The following IQCJ variants were observed in gnomAD, a reference collection of about 807,000 sequenced individuals.
IQCJ encodes IQ domain-containing protein J.
In IQCJ, 9 loss-of-function variants were observed where a neutral mutation model predicts 11.0. The ratio of observed to expected loss-of-function variants is 0.82; its 90% CI spans 0.49 to 1.43. IQCJ has a LOEUF of 1.43. Among genes scored for constraint, IQCJ ranks in the 40% most tolerant of loss-of-function variants. IQCJ has a pLI of 0.00. For missense variants in IQCJ, 146 were observed against 133.2 expected, an observed-to-expected ratio of 1.10 and a Z score of -0.47; for synonymous variants, 55 against 51.3, an observed-to-expected ratio of 1.07 and a Z score of -0.31.
intron 1 of IQCJ, among the ~76,000 whole-genome samples, chr3:159,086,394 A>T: frequency 6.6e-6 from 1 of 152,146 alleles, no homozygotes; most frequent in South Asian, 2.1e-4. Flanking sequence ...TGACTTGGCG[A>T]TGCGTGCTCT....
intron 3 of IQCJ, among the ~76,000 whole-genome samples, chr3:159,254,347 G>C (rs1488839835): frequency 1.3e-5 from 2 of 152,174 alleles, no homozygotes; most frequent in Non-Finnish European, 2.9e-5. Context: ...AAAAATCTCT[G>C]TGCTTCAGAT....
At chr3:159,094,249 G>A (rs1717555138) in intron 1 of IQCJ, among the ~76,000 whole-genome samples, 1 of 150,466 alleles carries the variant, frequency 6.6e-6, no homozygotes, top group South Asian at 2.1e-4. Flanking sequence ...AGGTTCTTAT[G>A]TTTGGTTAAA....
At chr3:159,106,365 A>G (rs1718263751) in intron 1 of IQCJ, among the ~76,000 whole-genome samples, 1 of 152,158 alleles carries the variant, frequency 6.6e-6, no homozygotes, top group South Asian at 2.1e-4. Context: ...ATGGTGCTAA[A>G]GCCAGACCCT....
In IQCJ at chr3:159,243,638, C is replaced by A. The variant is rs1046372848; in HGVS notation, c.10-2205C>A. 6.6e-5 allele frequency among the ~76,000 whole-genome samples: 10 copies of A among 152,328 alleles called. No individual in the cohort carries two copies. The Middle Eastern group carries it at 0.01, about 155-fold the overall frequency. ...TTGATTGTAAAGGGGAACAAAGGAA[C>A]TTCCTGGGAATGATAAATGTTCTAT... On this transcript the variant is annotated intron_variant, in intron 1 of 3. Coordinates refer to ENST00000397832, the MANE Select transcript of IQCJ (RefSeq NM_001042706.3).
intron 1 of IQCJ, among the ~76,000 whole-genome samples, chr3:159,195,931 G>GA (rs886201911): frequency 2.2e-4 from 33 of 152,216 alleles, no homozygotes; most frequent in African/African-American, 8.0e-4. Flanking sequence ...ACCCAATGGT[G>GA]ACAATCAGGA....
At chr3:159,096,078 CT>C (rs745967666) in intron 1 of IQCJ, among the ~76,000 whole-genome samples, 1,088 of 97,500 alleles carry the variant, frequency 0.011, 7 homozygotes, top group Admixed American at 0.016. Flanking sequence ...GAGATGATAT[CT>C]CACAGTGGTT....
chr3:159,195,494 G>T (rs2108051235), intron 1 of IQCJ, among the ~76,000 whole-genome samples: 1 of 152,310 alleles, frequency 6.6e-6, no homozygotes, highest in Admixed American at 6.5e-5. Context: ...AAGCTTAAAT[G>T]GTTCAGTGTG....
At chr3:159,257,952 C>T (rs532443481) in intron 3 of IQCJ, among the ~76,000 whole-genome samples, 15 of 152,240 alleles carry the variant, frequency 9.9e-5, no homozygotes, top group Non-Finnish European at 1.5e-4. Context: ...TTCCTGAGAC[C>T]GGCCAGGACT....
intron 1 of IQCJ, among the ~76,000 whole-genome samples, chr3:159,111,633 G>C (rs908212382): frequency 4.6e-5 from 7 of 152,120 alleles, no homozygotes; most frequent in Non-Finnish European, 2.9e-5. Flanking sequence ...AGAAAGACCA[G>C]GAGGGGCCAA....
chr3:159,260,380 TA>T (rs1560046482), intron 3 of IQCJ, among the ~76,000 whole-genome samples: 4 of 152,236 alleles, frequency 2.6e-5, no homozygotes, highest in Non-Finnish European at 5.9e-5. Flanking sequence ...CAAAGTCCTA[TA>T]AAGTTGTGGG....
Position 159,092,870 on chromosome 3 carries a change from A to T in IQCJ, c.9+23429A>T, listed in dbSNP as rs1374226838. 2.0e-5 allele frequency among the ~76,000 whole-genome samples: 3 copies of T among 151,398 alleles called. 1 individual carries two copies. Among genetic ancestry groups the T allele is most frequent in the African/African-American group, 7.3e-5 (3 of 40,846 alleles). On this transcript the variant is annotated intron_variant, in intron 1 of 3. Coordinates refer to ENST00000397832, the MANE Select transcript of IQCJ (RefSeq NM_001042706.3). ...TCTTATTCTTAGGAGACATGTGCTG[A>T]GGTATTTAGGGGTGAAGTTTCACGA...
At chr3:159,218,152 A>G (rs1560029643) in intron 1 of IQCJ, among the ~76,000 whole-genome samples, 2 of 152,020 alleles carry the variant, frequency 1.3e-5, no homozygotes, top group Non-Finnish European at 2.9e-5. Flanking sequence ...AGTTATTGCT[A>G]TTATTTCCAT....
At chr3:159,118,349 A>T (rs961820096) in intron 1 of IQCJ, among the ~76,000 whole-genome samples, 5 of 152,168 alleles carry the variant, frequency 3.3e-5, no homozygotes, top group African/African-American at 1.2e-4. Context: ...ATCCAGAAGG[A>T]ATCTATTGAA....
At chr3:159,103,631 T>C (rs1718067512) in intron 1 of IQCJ, among the ~76,000 whole-genome samples, 1 of 152,238 alleles carries the variant, frequency 6.6e-6, no homozygotes, top group African/African-American at 2.4e-5. Flanking sequence ...CTGGACTAAG[T>C]CTAAAATTCC....
At chr3:159,214,288 C>T (rs989854361) in intron 1 of IQCJ, among the ~76,000 whole-genome samples, 3 of 152,172 alleles carry the variant, frequency 2.0e-5, no homozygotes, top group Non-Finnish European at 4.4e-5. Flanking sequence ...AGACAACTCT[C>T]CCTTTTTTCC....
At chr3:159,075,598 C>A (rs1715858429) in intron 1 of IQCJ, among the ~76,000 whole-genome samples, 1 of 151,836 alleles carries the variant, frequency 6.6e-6, no homozygotes, top group Non-Finnish European at 1.5e-5. Context: ...TTTTTTGTCT[C>A]AGACTTAGAC....
intron 3 of IQCJ, among the ~76,000 whole-genome samples, chr3:159,254,805 A>C (rs544616435): frequency 2.8e-4 from 43 of 152,200 alleles, no homozygotes; most frequent in African/African-American, 9.6e-4. Flanking sequence ...TTTCCTATGA[A>C]TAGATGGCGG....
downstream of IQCJ, chr3:159,265,469 A>G (rs1728447983): frequency 2.3e-6 from 3 of 1,279,636 alleles, no homozygotes; most frequent in South Asian, 1.5e-5. Context: ...CCTGTCATCA[A>G]GAAATGAGCT....
chr3:159,250,090 G>C (rs1461044036), intron 2 of IQCJ, among the ~76,000 whole-genome samples: 8 of 152,194 alleles, frequency 5.3e-5, no homozygotes, highest in Admixed American at 4.6e-4. Context: ...AATCAGCCTG[G>C]GTTTCTGGTA....
Sources: allele counts gnomAD v4.1 joint callset (sites outside exome capture counted in the v4.1 genomes callset), GRCh38; gene constraint gnomAD v4.1.1; transcripts MANE v1.5; gene names NCBI Gene and HGNC (gene_info 2026-07-23, HGNC 2026-07-21).